PHF3: variants seen among roughly 807,000 people sequenced by gnomAD.
The protein encoded by PHF3 is PHD finger protein 3.
PHF3 carries 41 observed loss-of-function variants against 178.4 expected under a neutral mutation model. That is an observed-to-expected ratio of 0.23 (90% confidence interval 0.18 to 0.30). The LOEUF (loss-of-function observed/expected upper bound fraction) is 0.30, where lower values mean the gene tolerates loss of function less well. Among genes scored for constraint, PHF3 ranks in the 10% least tolerant of loss-of-function variants. PHF3 has a pLI of 1.00. For synonymous variants in PHF3, 842 were observed against 800.5 expected, an observed-to-expected ratio of 1.05 and a Z score of -0.88; for missense variants, 2,346 against 2,398.1, an observed-to-expected ratio of 0.98 and a Z score of 0.45.
At chr6:63,663,646 G>T (rs557173542) in intron 2 of PHF3, among the ~76,000 whole-genome samples, 10 of 152,082 alleles carry the variant, frequency 6.6e-5, no homozygotes, top group Non-Finnish European at 1.3e-4. Context: ...AGAATTTTTG[G>T]CCTTGGTTTT....
At chr6:63,644,449 G>A (rs1033017810) in intron 1 of PHF3, among the ~76,000 whole-genome samples, 6 of 151,878 alleles carry the variant, frequency 4.0e-5, no homozygotes, top group South Asian at 4.2e-4. Flanking sequence ...TATGATAATC[G>A]AGACTTTCTT....
rs1768266364 is a variant in PHF3 at position 63,718,772 on chromosome 6, G to A, written c.*5064G>A. On this transcript the variant is annotated 3_prime_UTR_variant, in exon 16 of 16. Coordinates refer to ENST00000262043, the MANE Select transcript of PHF3 (RefSeq NM_001370348.2). ...ACACTTTATTATGAGAGAACACATG[G>A]CCGAATATGATGGGAGTGTGGTTCA... 6.6e-6 allele frequency among the ~76,000 whole-genome samples: 1 copy of A among 152,004 alleles called. No homozygotes were observed.
At position 63,694,781 on chromosome 6, in the gene PHF3, A is replaced by G. The variant is rs774251415; in HGVS notation, c.2680+17A>G. 9.6e-6 allele frequency: 13 copies of G among 1,359,240 alleles called. 1 individual carries two copies. Among genetic ancestry groups the G allele is most frequent in the African/African-American group, 1.5e-5 (1 of 66,752 alleles). The allele number at this position is 1,359,240 out of a possible 1,614,324, so 84.2% of individuals were successfully genotyped here. A position where few individuals can be genotyped will look rare whatever the true frequency, so the allele number is the denominator to read the frequency against. On this transcript the variant is annotated intron_variant, in intron 6 of 15. Transcript: ENST00000262043. ...CAAAACCAGGTAGTGAGATGAACAG[A>G]AAAAATTATATACTAATATATTTAT...
intron 1 of PHF3, among the ~76,000 whole-genome samples, chr6:63,641,256 A>G (rs2149534653): frequency 6.6e-6 from 1 of 152,176 alleles, no homozygotes; most frequent in Non-Finnish European, 1.5e-5. Flanking sequence ...ATTGATCACT[A>G]CCTCACTTGA....
chr6:63,723,788 C>CATTATTATT lies in PHF3; in HGVS notation c.*10120_*10128dup, dbSNP rs57873412. On this transcript the variant is annotated 3_prime_UTR_variant, in exon 16 of 16. Transcript: ENST00000262043. ...GTTATGGGTCATAAGTACACATTGGCATTATTATTATTATTATTATTATTA... is the reference window on the plus strand; with the variant it reads ...GTTATGGGTCATAAGTACACATTGGCATTATTATTATTATTATTATTATTATTATTATTA... Among the ~76,000 whole-genome samples the CATTATTATT allele has an allele frequency of 8.5e-4, 117 of 138,172 alleles. No homozygotes were observed. Among genetic ancestry groups the CATTATTATT allele is most frequent in the African/African-American group, 2.0e-3 (76 of 37,448 alleles). 90.6% of individuals were successfully genotyped at this position (138,172 alleles called of 152,430 possible).
At chr6:63,692,089 T>G in intron 5 of PHF3, 46 bp downstream of exon 5, 1 of 1,313,456 alleles carries the variant, frequency 7.6e-7, no homozygotes, top group Non-Finnish European at 1.0e-6. Flanking sequence ...AAGAGCTTTT[T>G]GTATGGACTG....
rs796337209 is a variant in PHF3, at chr6:63,721,829, C to G, written c.*8121C>G. 1.3e-6 allele frequency: 2 copies of G among 1,515,640 alleles called. No homozygotes were observed. The highest frequency in any genetic ancestry group is 2.6e-5 in the South Asian group (2 of 77,544). The allele number at this position is 1,515,640 out of a possible 1,614,324, so 93.9% of individuals were successfully genotyped here. ...GAAAGCAAACAGTAAGTTTGATTAG[C>G]AACAGTAAAAGTTTCCATTGAAAAC... On this transcript the variant is annotated 3_prime_UTR_variant, in exon 16 of 16. Coordinates refer to ENST00000262043, the MANE Select transcript of PHF3 (RefSeq NM_001370348.2).
intron 5 of PHF3, among the ~76,000 whole-genome samples, chr6:63,692,834 C>T (rs1189972174): frequency 1.3e-5 from 2 of 152,128 alleles, no homozygotes; most frequent in Non-Finnish European, 2.9e-5. Flanking sequence ...GAAAGTTGAT[C>T]AGTTTGAGCT....
At position 63,698,329 on chromosome 6, in the gene PHF3, A is replaced by G. The variant is rs748935097; in HGVS notation, c.2787A>G (p.Gln929=). The change falls in exon 7 of 16, where the codon CAA becomes CAG. Residue 929 remains glutamine (Q), a synonymous_variant. Transcript: ENST00000262043. The stretch of plus-strand genomic sequence containing the variant: ...AGCCTTCTGCAGATCAGATCAGGCA[A>G]AGTGTCAGACATTCTCTCAAAGACA... ...ASKPSADQIR[Q]SVRHSLKDIL... The G allele has an allele frequency of 6.2e-7, 1 of 1,612,682 alleles. No homozygotes were observed. Among genetic ancestry groups the G allele is most frequent in the South Asian group, 1.1e-5 (1 of 90,812 alleles).
Position 63,713,473 on chromosome 6 carries a change from G to A in PHF3, c.5885G>A (p.Arg1962Lys), listed in dbSNP as rs1166304010. 6.2e-7 allele frequency: 1 copy of A among 1,613,806 alleles called. No individual in the cohort carries two copies. The highest frequency in any genetic ancestry group is 8.5e-7 in the Non-Finnish European group (1 of 1,179,954). Residue 1962 changes from arginine (R) to lysine (K), a missense_variant, in exon 16 of 16, where the codon AGG becomes AAG. By Grantham distance (26) the Arg-to-Lys change is conservative (BLOSUM62 2). This residue lies in a region of PHF3 where 839 missense variants were observed against 806.9 expected (regional missense o/e 1.04). Coordinates refer to ENST00000262043, the MANE Select transcript of PHF3 (RefSeq NM_001370348.2). ...SQDKDRDRKS[R>K]EEGHKDKERA... ...GACAAGGACAGAGACAGAAAAAGCA[G>A]GGAGGAAGGGCACAAAGATAAAGAG...
chr6:63,636,159 C>T lies in PHF3; in HGVS notation c.-26+9C>T. 2.6e-6 allele frequency: 1 copy of T among 384,118 alleles called. No homozygotes were observed. Among genetic ancestry groups the T allele is most frequent in the Admixed American group, 4.5e-5 (1 of 22,234 alleles). The allele number at this position is 384,118 out of a possible 1,614,324, so 23.8% of individuals were successfully genotyped here. On this transcript the variant is annotated intron_variant, in intron 1 of 15. Transcript: ENST00000262043. ...TCGTCTGGCGGAGCTGGGTGAGTTG[C>T]GGCTGTGGCCGCGGCCAGGGAGACG...
In PHF3 at chr6:63,703,654, A is replaced by G; in HGVS notation, c.3350A>G (p.Asn1117Ser). The part of the protein sequence containing the change: ...SQHRQHLFDL[N>S]CKICIGRMAP... ...CACAGACAGCATCTTTTTGATCTCA[A>G]CTGCAAAATCTGCATAGGTAATTGG... is the stretch of plus-strand genomic sequence containing the variant. The change falls in exon 11 of 16, where the codon AAC becomes AGC. Residue 1117 changes from asparagine to serine, a missense_variant. By Grantham distance (46) the Asn-to-Ser change is conservative. Transcript: ENST00000262043. 1 of 1,600,442 alleles carries G rather than the reference A, an allele frequency of 6.2e-7. No homozygotes were observed. The highest frequency in any genetic ancestry group is 8.5e-7 in the Non-Finnish European group (1 of 1,176,526).
Position 63,691,683 on chromosome 6 carries a change from T to C in PHF3, c.2190-54T>C, listed in dbSNP as rs537305421. Reference sequence around the variant, plus strand: ...ATTTAATTTAGCCTCATTTTTGACATAGATTTTCTTGTTAAAAAAAGGGAT... The same window carrying C: ...ATTTAATTTAGCCTCATTTTTGACACAGATTTTCTTGTTAAAAAAAGGGAT... On this transcript the variant is annotated intron_variant, in intron 4 of 15. Transcript: ENST00000262043. 1.4e-5 allele frequency: 20 copies of C among 1,405,550 alleles called. No homozygotes were observed. The African/African-American group carries it at 2.0e-4, about 14-fold the overall frequency. The allele number at this position is 1,405,550 out of a possible 1,614,324, so 87.1% of individuals were successfully genotyped here.
chr6:63,691,029 T>C (rs1223422531), intron 4 of PHF3, among the ~76,000 whole-genome samples: 2 of 152,164 alleles, frequency 1.3e-5, no homozygotes, highest in Non-Finnish European at 2.9e-5. Context: ...TAAGATAGAA[T>C]AGTGATCTTT....
rs1209012203 is a variant in PHF3 at position 63,712,815 on chromosome 6, A to G, written c.5227A>G (p.Ile1743Val). ...ACAAGCAAAACCCTTACAGGAGGAT[A>G]TTTTAATGCAAAATATTGAAACTGT... Reference protein sequence around the residue: ...AEQAKPLQEDILMQNIETVHP... With the variant: ...AEQAKPLQEDVLMQNIETVHP... Residue 1743 changes from isoleucine to valine, a missense_variant, in exon 16 of 16, where the codon ATT becomes GTT. Around this residue, in one of 8 missense-constraint regions of PHF3, gnomAD observed 839 missense variants for 806.9 expected, o/e 1.04. Transcript: ENST00000262043. 1 of 1,613,926 alleles carries G rather than the reference A, an allele frequency of 6.2e-7. No homozygotes were observed. Among genetic ancestry groups the G allele is most frequent in the African/African-American group, 1.3e-5 (1 of 74,916 alleles).
intron 2 of PHF3, among the ~76,000 whole-genome samples, chr6:63,658,039 T>C (rs1765310649): frequency 6.6e-6 from 1 of 152,220 alleles, no homozygotes. Flanking sequence ...TCTCTTACTT[T>C]GAGTTCAATG....
chr6:63,656,456 A>G (rs1262006270), intron 2 of PHF3, among the ~76,000 whole-genome samples: 1 of 152,196 alleles, frequency 6.6e-6, no homozygotes, highest in Non-Finnish European at 1.5e-5. Flanking sequence ...ATTCTAGTAC[A>G]GTTGCTGACT....
chr6:63,658,970 T>C (rs996068618), intron 2 of PHF3, among the ~76,000 whole-genome samples: 1 of 152,144 alleles, frequency 6.6e-6, no homozygotes. Context: ...TCTGAAGACC[T>C]TTACCTAATT....
intron 2 of PHF3, among the ~76,000 whole-genome samples, chr6:63,668,557 G>T (rs1224292346): frequency 1.3e-5 from 2 of 152,010 alleles, no homozygotes; most frequent in Non-Finnish European, 1.5e-5. Context: ...GCCCAGGCTA[G>T]TCTTGAACTC....
Sources: allele counts gnomAD v4.1 joint callset (sites outside exome capture counted in the v4.1 genomes callset), GRCh38; gene constraint gnomAD v4.1.1; regional missense constraint gnomAD v4.1.1; transcripts MANE v1.5; gene names NCBI Gene and HGNC (gene_info 2026-07-23, HGNC 2026-07-21).